Variants in HCN1 observed in about 807,000 individuals in gnomAD.
HCN1 encodes the protein hyperpolarization activated cyclic nucleotide gated potassium channel 1, also known as potassium/sodium hyperpolarization-activated cyclic nucleotide-gated channel 1.
Under a neutral mutation model 78.9 loss-of-function variants are expected in HCN1, and 13 were observed. The ratio of observed to expected loss-of-function variants is 0.16; its 90% CI spans 0.11 to 0.26. The LOEUF (loss-of-function observed/expected upper bound fraction) is 0.26. Ranked by LOEUF, HCN1 falls within the 10% of genes least tolerant of loss-of-function variation. The probability of loss-of-function intolerance (pLI) is 1.00; values close to 1 mark genes in which losing one functional copy is unlikely to be tolerated. For missense variants in HCN1, 810 were observed against 1,154.3 expected (o/e 0.70, Z 4.32); for synonymous variants, 552 against 455.5 (o/e 1.21, Z -2.70).
At chr5:45,350,909 A>G (rs974072349) in intron 5 of HCN1, among the ~76,000 whole-genome samples, 10 of 152,206 alleles carry the variant, frequency 6.6e-5, no homozygotes, top group Admixed American at 5.9e-4. Context: ...TTTCATGCTC[A>G]TGGGTAGGAA....
chr5:45,636,907 A>G (rs1041050033), intron 2 of HCN1, among the ~76,000 whole-genome samples: 1 of 152,244 alleles, frequency 6.6e-6, no homozygotes, highest in African/African-American at 2.4e-5. Context: ...AATAAGCACA[A>G]TAAAGGGATA....
intron 2 of HCN1, among the ~76,000 whole-genome samples, chr5:45,553,615 A>G (rs1743417993): frequency 6.6e-6 from 1 of 151,870 alleles, no homozygotes; most frequent in Admixed American, 6.6e-5. Context: ...CTGACATAAA[A>G]TGGCATAGTA....
At chr5:45,516,738 T>C (rs755679333) in intron 2 of HCN1, among the ~76,000 whole-genome samples, 1 of 151,950 alleles carries the variant, frequency 6.6e-6, no homozygotes, top group Non-Finnish European at 1.5e-5. Context: ...TATTTTTTAT[T>C]GTCTTGAGGA....
chr5:45,372,552 TATAAA>T, intron 4 of HCN1, among the ~76,000 whole-genome samples: 1 of 126,528 alleles, frequency 7.9e-6, no homozygotes, highest in African/African-American at 3.0e-5. Flanking sequence ...TATAAAAATA[TATAAA>T]ACATTTACAT....
intron 6 of HCN1, among the ~76,000 whole-genome samples, chr5:45,287,574 A>G (rs1745292507): frequency 6.6e-6 from 1 of 152,076 alleles, no homozygotes; most frequent in Admixed American, 6.6e-5. Flanking sequence ...ATCCTAGAGT[A>G]TGATTTCTTA....
chr5:45,323,868 A>G (rs1255270960), intron 5 of HCN1, among the ~76,000 whole-genome samples: 1 of 151,970 alleles, frequency 6.6e-6, no homozygotes, highest in East Asian at 1.9e-4. Flanking sequence ...AGCTTCATCC[A>G]TGTCCCTACA....
At chr5:45,599,077 G>C (rs1296478823) in intron 2 of HCN1, among the ~76,000 whole-genome samples, 1 of 152,068 alleles carries the variant, frequency 6.6e-6, no homozygotes, top group East Asian at 1.9e-4. Flanking sequence ...CATACCCAAA[G>C]GATTATAAAT....
At chr5:45,363,849 T>G (rs575677952) in intron 4 of HCN1, among the ~76,000 whole-genome samples, 2 of 152,082 alleles carry the variant, frequency 1.3e-5, no homozygotes, top group Non-Finnish European at 2.9e-5. Context: ...TTCTCAGCCA[T>G]GTGGAACTGT....
At chr5:45,355,654 T>A (rs1410531555) in intron 4 of HCN1, among the ~76,000 whole-genome samples, 3 of 151,934 alleles carry the variant, frequency 2.0e-5, no homozygotes, top group African/African-American at 7.2e-5. Flanking sequence ...TATACATCAT[T>A]GGTGACTAAG....
chr5:45,545,353 T>C (rs1321009679), intron 2 of HCN1, among the ~76,000 whole-genome samples: 1 of 152,212 alleles, frequency 6.6e-6, no homozygotes, highest in Non-Finnish European at 1.5e-5. Context: ...ATTAGCTCTT[T>C]GTCAGATGGG....
At chr5:45,451,774 A>C (rs2111599554) in intron 3 of HCN1, among the ~76,000 whole-genome samples, 1 of 152,162 alleles carries the variant, frequency 6.6e-6, no homozygotes, top group East Asian at 1.9e-4. Context: ...TGGAAAATTA[A>C]GAAGGTCAAA....
rs578240158 is a variant in HCN1, at chr5:45,695,560, AC to A, written c.425+108del. 7.1e-4 allele frequency: 749 copies of A among 1,052,936 alleles called. 4 individuals are homozygous for A. The African/African-American group carries it at 0.01, about 14-fold the overall frequency. 65.2% of individuals were successfully genotyped at this position (1,052,936 alleles called of 1,614,324 possible). A position where few individuals can be genotyped will look rare whatever the true frequency, so the allele number is the denominator to read the frequency against. On this transcript the variant is annotated intron_variant, in intron 1 of 7. Coordinates refer to ENST00000303230, the MANE Select transcript of HCN1 (RefSeq NM_021072.4). ...CCGAGCCGACGCCGCCGGCAGCGCCACCCCCCGCCCGCCCTCCTAGTCCCCG... is the reference window on the plus strand; with the variant it reads ...CCGAGCCGACGCCGCCGGCAGCGCCACCCCCGCCCGCCCTCCTAGTCCCCG...
At chr5:45,268,334 A>C (rs1174919676) in intron 6 of HCN1, among the ~76,000 whole-genome samples, 1 of 152,232 alleles carries the variant, frequency 6.6e-6, no homozygotes, top group Non-Finnish European at 1.5e-5. Flanking sequence ...TATGATTTGA[A>C]CTACTGTAGG....
At chr5:45,266,010 G>C (rs74587515) in intron 7 of HCN1, among the ~76,000 whole-genome samples, 3,598 of 152,100 alleles carry the variant, frequency 0.024, 84 homozygotes, top group African/African-American at 0.065. Flanking sequence ...GCAGAGTCGA[G>C]CTGACCAAAA....
chr5:45,407,805 C>T (rs570190079), intron 3 of HCN1, among the ~76,000 whole-genome samples: 45 of 152,186 alleles, frequency 3.0e-4, no homozygotes, highest in African/African-American at 1.0e-3. Context: ...CCACCATGCC[C>T]GGCCCAGAAG....
intron 5 of HCN1, among the ~76,000 whole-genome samples, chr5:45,312,809 A>T (rs1745883591): frequency 6.6e-6 from 1 of 152,126 alleles, no homozygotes; most frequent in African/African-American, 2.4e-5. Flanking sequence ...GGTGGCAGTG[A>T]GGCTGGGGGA....
chr5:45,363,066 AAT>A (rs532428254), intron 4 of HCN1, among the ~76,000 whole-genome samples: 8 of 147,150 alleles, frequency 5.4e-5, no homozygotes, highest in Non-Finnish European at 9.0e-5. Context: ...AAATATACCA[AAT>A]ATATATATAT....
chr5:45,315,021 C>G (rs1745949347), intron 5 of HCN1, among the ~76,000 whole-genome samples: 2 of 152,268 alleles, frequency 1.3e-5, no homozygotes, highest in East Asian at 3.9e-4. Flanking sequence ...AGAAAGTTAA[C>G]CATGATATCC....
chr5:45,524,748 A>T (rs1021225212), intron 2 of HCN1, among the ~76,000 whole-genome samples: 9 of 152,108 alleles, frequency 5.9e-5, no homozygotes, highest in African/African-American at 2.2e-4. Flanking sequence ...CAGCTTAAGG[A>T]GATTTTGGGC....
Sources: gnomAD v4.1 joint callset for allele counts (sites outside exome capture counted in the v4.1 genomes callset) on GRCh38, gnomAD v4.1.1 for gene constraint, MANE v1.5 for transcripts, NCBI Gene and HGNC (gene_info 2026-07-23, HGNC 2026-07-21) for gene names.